DMD: variants seen among roughly 807,000 people sequenced by gnomAD.
DMD encodes dystrophin.
Under a neutral mutation model 330.1 loss-of-function variants are expected in DMD, and 63 were observed. The ratio of observed to expected loss-of-function variants is 0.19; its 90% CI spans 0.16 to 0.24. DMD has a LOEUF of 0.24. DMD is among the 10% of genes least tolerant of loss of function. The probability of loss-of-function intolerance (pLI) is 1.00; values close to 1 mark genes in which losing one functional copy is unlikely to be tolerated. For missense variants in DMD, 3,344 were observed against 2,684.1 expected (o/e 1.25, Z -5.43); for synonymous variants, 1,223 against 959.8 (o/e 1.27, Z -5.07).
rs182445556 is a variant in DMD at position 32,335,368 on chromosome X, T to G, written c.5922+6732A>C. ...AGCAACTGCCAGCAAGCCTGGCTAA[T>G]TTTATATATAAAACATATATAATAC... On this transcript the variant is annotated intron_variant, in intron 41 of 78. Coordinates refer to ENST00000357033, the MANE Select transcript of DMD (RefSeq NM_004006.3). Among the ~76,000 whole-genome samples the G allele has an allele frequency of 2.0e-3, 210 of 105,921 alleles. 3 individuals carry two copies. The highest frequency in any genetic ancestry group is 6.1e-3 in the East Asian group (21 of 3,427). 92.0% of individuals were successfully genotyped at this position (105,921 alleles called of 115,157 possible). A position where few individuals can be genotyped will look rare whatever the true frequency, so the allele number is the denominator to read the frequency against.
At chrX:33,137,578 T>C (rs1276755032) in intron 1 of DMD, among the ~76,000 whole-genome samples, 1 of 112,279 alleles carries the variant, frequency 8.9e-6, no homozygotes, top group East Asian at 2.8e-4. Flanking sequence ...TAGCATTTCT[T>C]TTTTATTTTT....
At chrX:32,976,109 T>C (rs2092541211) in intron 2 of DMD, among the ~76,000 whole-genome samples, 1 of 110,912 alleles carries the variant, frequency 9.0e-6, no homozygotes. Flanking sequence ...TAATCCCAGC[T>C]ACTCGGGAGG....
chrX:32,492,463 C>T (rs941322474), intron 19 of DMD, among the ~76,000 whole-genome samples: 1 of 112,278 alleles, frequency 8.9e-6, no homozygotes, highest in Non-Finnish European at 1.9e-5. Flanking sequence ...TGTAGTAATA[C>T]CAAACCCAGA....
At chrX:31,315,011 T>G (rs938742867) in intron 62 of DMD, among the ~76,000 whole-genome samples, 1 of 111,336 alleles carries the variant, frequency 9.0e-6, no homozygotes, top group Non-Finnish European at 1.9e-5. Context: ...TAAGTTATTT[T>G]AAAACATTGC....
At position 32,723,538 on chromosome X, in the gene DMD, T is replaced by A. The variant is rs140135137; in HGVS notation, c.650-24245A>T. Among the ~76,000 whole-genome samples the A allele has an allele frequency of 7.2e-3, 796 of 111,292 alleles. 6 individuals carry two copies. Among genetic ancestry groups the A allele is most frequent in the Non-Finnish European group, 0.01 (532 of 52,878 alleles). ...TTTGGAAGAAATGAGGAGAAGTAGG[T>A]CAAAGGACACAAACTTGAAGTTATA... On this transcript the variant is annotated intron_variant, in intron 7 of 78. Coordinates refer to ENST00000357033, the MANE Select transcript of DMD (RefSeq NM_004006.3).
chrX:32,479,366 C>T (rs749147282), intron 21 of DMD, among the ~76,000 whole-genome samples: 5 of 110,938 alleles, frequency 4.5e-5, no homozygotes, highest in Non-Finnish European at 7.6e-5. Context: ...TACTAGAGAT[C>T]GCTACAATTT....
intron 45 of DMD, among the ~76,000 whole-genome samples, chrX:31,959,955 C>T (rs930173180): frequency 3.7e-5 from 4 of 108,822 alleles, no homozygotes; most frequent in African/African-American, 1.0e-4. Context: ...GATGTGGTTT[C>T]GCCATGTTGG....
intron 1 of DMD, among the ~76,000 whole-genome samples, chrX:33,250,607 G>A (rs1281542187): frequency 9.0e-6 from 1 of 110,955 alleles, no homozygotes; most frequent in Admixed American, 9.7e-5. Flanking sequence ...AATACGTATT[G>A]TCTATTTTTA....
chrX:32,873,305 G>A (rs769332093), intron 2 of DMD, among the ~76,000 whole-genome samples: 27 of 109,408 alleles, frequency 2.5e-4, no homozygotes, highest in South Asian at 7.9e-4. Flanking sequence ...TTCCCTCCTC[G>A]TTCACATACA....
In DMD at chrX:32,914,639, G is replaced by A. The variant is rs1013717074; in HGVS notation, c.94-64819C>T. On this transcript the variant is annotated intron_variant, in intron 2 of 78. Coordinates refer to ENST00000357033, the MANE Select transcript of DMD (RefSeq NM_004006.3). ...CACTGCCCAAAATAACACAATAAAC[G>A]AAAAATCTTCGAGCAGCCCAAATGC... Among the ~76,000 whole-genome samples, 3 of 111,710 alleles carry A rather than the reference G, an allele frequency of 2.7e-5. No homozygotes were observed. The East Asian group carries it at 8.6e-4, about 32-fold the overall frequency.
intron 16 of DMD, among the ~76,000 whole-genome samples, chrX:32,555,235 T>G (rs2050168562): frequency 9.0e-6 from 1 of 111,554 alleles, no homozygotes; most frequent in Non-Finnish European, 1.9e-5. Context: ...CAAAAGGTAT[T>G]TAATAAAATT....
chrX:31,772,563 C>A (rs1339779911), intron 51 of DMD, among the ~76,000 whole-genome samples: 1 of 111,622 alleles, frequency 9.0e-6, no homozygotes, highest in Non-Finnish European at 1.9e-5. Flanking sequence ...ATACAAATCA[C>A]TAAATAGTAA....
At chrX:32,651,212 G>A (rs1470779849) in intron 9 of DMD, among the ~76,000 whole-genome samples, 2 of 108,738 alleles carry the variant, frequency 1.8e-5, no homozygotes, top group African/African-American at 6.7e-5. Context: ...GTGGGATCTC[G>A]GCTCACTGCA....
intron 2 of DMD, among the ~76,000 whole-genome samples, chrX:32,962,384 C>T: frequency 9.0e-6 from 1 of 110,904 alleles, no homozygotes; most frequent in African/African-American, 3.3e-5. Flanking sequence ...AAGAGTGTGC[C>T]CTTTGTTTTA....
chrX:32,804,344 A>C (rs1455344527), intron 7 of DMD, among the ~76,000 whole-genome samples: 2 of 112,186 alleles, frequency 1.8e-5, no homozygotes, highest in African/African-American at 6.5e-5. Context: ...TCACAGTGTA[A>C]ACAAAGTCGC....
At chrX:31,374,813 AAAGTAT>A (rs1252139598) in intron 60 of DMD, among the ~76,000 whole-genome samples, 2 of 110,562 alleles carry the variant, frequency 1.8e-5, no homozygotes, top group African/African-American at 3.3e-5. Flanking sequence ...CCTAAAACTT[AAAGTAT>A]AATAAAATAA....
chrX:33,033,819 T>A (rs959637992), intron 1 of DMD, among the ~76,000 whole-genome samples: 2 of 111,769 alleles, frequency 1.8e-5, no homozygotes, highest in African/African-American at 6.5e-5. Context: ...GATTTAGACA[T>A]TGTAGAAAAA....
intron 1 of DMD, among the ~76,000 whole-genome samples, chrX:33,278,209 G>T (rs761394534): frequency 3.6e-5 from 4 of 111,722 alleles, no homozygotes; most frequent in African/African-American, 6.5e-5. Flanking sequence ...CATCCAGGGG[G>T]TATATATGCA....
chrX:32,123,628 T>C (rs1297153767), intron 44 of DMD, among the ~76,000 whole-genome samples: 1 of 111,870 alleles, frequency 8.9e-6, no homozygotes, highest in Non-Finnish European at 1.9e-5. Context: ...CCTATAATCC[T>C]TTGTTTCACA....
Sources: allele counts gnomAD v4.1 joint callset (sites outside exome capture counted in the v4.1 genomes callset), GRCh38; gene constraint gnomAD v4.1.1; transcripts MANE v1.5; gene names NCBI Gene and HGNC (gene_info 2026-07-23, HGNC 2026-07-21).